Variants in ANKRD30A observed in about 807,000 individuals in gnomAD.
The protein encoded by ANKRD30A is ankyrin repeat domain-containing protein 30A.
ANKRD30A carries 170 observed loss-of-function variants against 166.3 expected under a neutral mutation model. The ratio of observed to expected loss-of-function variants is 1.02; its 90% CI spans 0.90 to 1.16. ANKRD30A has a LOEUF of 1.16. Ranked by LOEUF, ANKRD30A falls within the 50% of genes most tolerant of loss-of-function variation. The probability of loss-of-function intolerance (pLI) is 0.00; values close to 1 mark genes in which losing one functional copy is unlikely to be tolerated. For missense variants in ANKRD30A, 1,630 were observed against 1,518.0 expected (o/e 1.07, Z -1.23); for synonymous variants, 564 against 508.9 (o/e 1.11, Z -1.46).
intron 18 of ANKRD30A, among the ~76,000 whole-genome samples, chr10:37,165,423 GA>G (rs749516144): frequency 3.2e-4 from 48 of 152,330 alleles, no homozygotes; most frequent in Admixed American, 9.1e-4. Flanking sequence ...ATTCACATGG[GA>G]TCTGGAGTAC....
chr10:37,149,994 A>G (rs1461509464), intron 11 of ANKRD30A, 145 bp downstream of exon 11: 2 of 1,181,236 alleles, frequency 1.7e-6, no homozygotes, highest in Non-Finnish European at 2.3e-6. Flanking sequence ...TGATGTTTGA[A>G]AACCTGATAT....
chr10:37,216,104 A>G, intron 31 of ANKRD30A, 77 bp from the exon 32 acceptor site: 1 of 1,042,774 alleles, frequency 9.6e-7, no homozygotes, highest in Non-Finnish European at 1.4e-6. Context: ...TCAGTGTATA[A>G]GTGATTGTTA....
In ANKRD30A at chr10:37,142,779, A is replaced by G. The variant is rs181561543; in HGVS notation, c.1393+489A>G. On this transcript the variant is annotated intron_variant, in intron 7 of 35. Transcript: ENST00000361713. ...AATTTTTTGTATTTTTAGTAGAGAT[A>G]GGGTTTCACTATATTGACCAGACTC... Among the ~76,000 whole-genome samples the G allele has an allele frequency of 6.8e-4, 103 of 151,730 alleles. 3 individuals carry two copies. In the East Asian group the frequency reaches 0.015, roughly 22 times the overall value.
At chr10:37,259,685 T>C in the ANKRD30A span, among the ~76,000 whole-genome samples, 1 of 152,216 alleles carries the variant, frequency 6.6e-6, no homozygotes, top group Admixed American at 6.5e-5. Flanking sequence ...TATGGCTATA[T>C]GCAACAACAT....
the ANKRD30A span, among the ~76,000 whole-genome samples, chr10:37,252,495 C>A: frequency 2.0e-5 from 3 of 152,192 alleles, no homozygotes; most frequent in Non-Finnish European, 4.4e-5. Context: ...TTAGCTTAAA[C>A]TATTTCCGAC....
intron 31 of ANKRD30A, among the ~76,000 whole-genome samples, chr10:37,207,449 G>C (rs1275856185): frequency 6.6e-6 from 1 of 151,928 alleles, no homozygotes; most frequent in African/African-American, 2.4e-5. Context: ...AATTTTCCTT[G>C]TGTGTTCTTT....
intron 35 of ANKRD30A, 96 bp downstream of exon 35, chr10:37,231,776 G>A (rs1588967876): frequency 4.8e-6 from 1 of 208,156 alleles, no homozygotes; most frequent in African/African-American, 2.3e-5. Context: ...ACTCACGTGT[G>A]TTAAATAATG....
At chr10:37,129,330 A>C (rs534552081) in intron 1 of ANKRD30A, among the ~76,000 whole-genome samples, 7 of 152,338 alleles carry the variant, frequency 4.6e-5, no homozygotes, top group African/African-American at 1.7e-4. Flanking sequence ...AAATGTTAAA[A>C]TATGAGAAAT....
chr10:37,201,619 GAC>G (rs1841633097), intron 31 of ANKRD30A, among the ~76,000 whole-genome samples: 1 of 152,048 alleles, frequency 6.6e-6, no homozygotes, highest in African/African-American at 2.4e-5. Context: ...GACTGAGAAA[GAC>G]AGAGCGTACA....
At position 37,131,756 on chromosome 10, in the gene ANKRD30A, A is replaced by G. The variant is rs1289559295; in HGVS notation, c.511-484A>G. Among the ~76,000 whole-genome samples the G allele has an allele frequency of 3.9e-5, 6 of 152,366 alleles. No homozygotes were observed. The East Asian group carries it at 1.2e-3, about 29-fold the overall frequency. On this transcript the variant is annotated intron_variant, in intron 3 of 35. Transcript: ENST00000361713. ...AGTCAAAGTTCAAGTCATTTATTGA[A>G]TACTGGACATTTAATTCACAGTTTT...
chr10:37,245,459 G>A, the ANKRD30A span, among the ~76,000 whole-genome samples: 7 of 151,938 alleles, frequency 4.6e-5, no homozygotes, highest in African/African-American at 1.7e-4. Flanking sequence ...TTGAATAAAT[G>A]TGGGTACAAT....
intron 13 of ANKRD30A, among the ~76,000 whole-genome samples, chr10:37,154,610 G>A (rs17590476): frequency 6.6e-6 from 1 of 152,076 alleles, no homozygotes; most frequent in Admixed American, 6.5e-5. Context: ...AGGAAAGAGT[G>A]GGAAAAAAAT....
intron 6 of ANKRD30A, among the ~76,000 whole-genome samples, chr10:37,136,997 G>T (rs369314383): frequency 6.6e-6 from 1 of 151,640 alleles, no homozygotes; most frequent in Non-Finnish European, 1.5e-5. Flanking sequence ...TATAAATAAC[G>T]CAAGTTTTAA....
the ANKRD30A span, among the ~76,000 whole-genome samples, chr10:37,250,515 C>T: frequency 2.0e-5 from 3 of 152,078 alleles, no homozygotes; most frequent in Non-Finnish European, 2.9e-5. Context: ...AATATGGTAA[C>T]GTCCTACTGT....
intron 15 of ANKRD30A, among the ~76,000 whole-genome samples, chr10:37,160,602 CT>C (rs1343225263): frequency 6.6e-6 from 1 of 152,010 alleles, no homozygotes; most frequent in Non-Finnish European, 1.5e-5. Flanking sequence ...TCTTTTTTCT[CT>C]TTCTCTTTTT....
At position 37,165,086 on chromosome 10, in the gene ANKRD30A, T is replaced by G; in HGVS notation, c.2003-8T>G. The G allele has an allele frequency of 1.2e-6, 2 of 1,605,514 alleles. No homozygotes were observed. Among genetic ancestry groups the G allele is most frequent in the South Asian group, 2.2e-5 (2 of 90,900 alleles). ...CTCATGAATGTATCTGTGATTAACC[T>G]TTTATAGATGAGATACTCCCATCAG... On this transcript the variant is annotated splice_polypyrimidine_tract_variant and splice_region_variant and intron_variant, in intron 17 of 35. Transcript: ENST00000361713.
intron 1 of ANKRD30A, among the ~76,000 whole-genome samples, chr10:37,128,446 T>C (rs1392067636): frequency 1.3e-5 from 2 of 152,010 alleles, no homozygotes; most frequent in African/African-American, 4.8e-5. Context: ...TTATCTGTGC[T>C]TATTGATTTA....
At position 37,195,856 on chromosome 10, in the gene ANKRD30A, T is replaced by G. The variant is rs2993684; in HGVS notation, c.2615-1425T>G. 6.6e-5 allele frequency among the ~76,000 whole-genome samples: 10 copies of G among 150,894 alleles called. No homozygotes were observed. In the East Asian group the frequency reaches 9.7e-4, roughly 15 times the overall value. ...AAGGAGAGGCCTTTGATGGGAAAAA[T>G]TGGAAGAAGAGCAGTTGGATAGAAG... On this transcript the variant is annotated intron_variant, in intron 27 of 35. Coordinates refer to ENST00000361713, the MANE Select transcript of ANKRD30A (RefSeq NM_052997.3).
chr10:37,216,097 G>T, intron 31 of ANKRD30A, 84 bp from the exon 32 acceptor site: 1 of 956,268 alleles, frequency 1.0e-6, no homozygotes, highest in East Asian at 2.5e-5. Context: ...TATTTGTTCA[G>T]TGTATAAGTG....
Sources: allele counts gnomAD v4.1 joint callset (sites outside exome capture counted in the v4.1 genomes callset), GRCh38; gene constraint gnomAD v4.1.1; transcripts MANE v1.5; gene names NCBI Gene and HGNC (gene_info 2026-07-23, HGNC 2026-07-21).